ARL15: variants seen among roughly 807,000 people sequenced by gnomAD.
ARL15 encodes ADP-ribosylation factor-like protein 15.
ARL15 carries 19 observed loss-of-function variants against 25.2 expected under a neutral mutation model. The observed-to-expected ratio is 0.75, with a 90% confidence interval of 0.53 to 1.10. The LOEUF (loss-of-function observed/expected upper bound fraction) is 1.10. ARL15 is among the 50% of genes least tolerant of loss of function. The pLI is 0.00. For missense variants in ARL15, 220 were observed against 246.0 expected, an observed-to-expected ratio of 0.89 and a Z score of 0.71; for synonymous variants, 94 against 86.8, an observed-to-expected ratio of 1.08 and a Z score of -0.46.
intron 1 of ARL15, among the ~76,000 whole-genome samples, chr5:54,176,965 C>A (rs1754892791): frequency 6.6e-6 from 1 of 152,134 alleles, no homozygotes; most frequent in Admixed American, 6.6e-5. Context: ...CCATTCTATC[C>A]CAGTTCAGCC....
chr5:54,062,812 T>C (rs1751109473), intron 4 of ARL15, among the ~76,000 whole-genome samples: 1 of 151,846 alleles, frequency 6.6e-6, no homozygotes, highest in Non-Finnish European at 1.5e-5. Context: ...AGCCCAGGAA[T>C]GAAAAAATGG....
At chr5:53,966,575 C>G (rs1213315147) in intron 4 of ARL15, among the ~76,000 whole-genome samples, 1 of 152,126 alleles carries the variant, frequency 6.6e-6, no homozygotes, top group Admixed American at 6.5e-5. Context: ...TGAACCCCAG[C>G]ATGTGGGATC....
chr5:53,946,906 C>A (rs1295939372), intron 4 of ARL15, among the ~76,000 whole-genome samples: 1 of 152,136 alleles, frequency 6.6e-6, no homozygotes, highest in Non-Finnish European at 1.5e-5. Flanking sequence ...GAGTCATAAT[C>A]AAGCAAAGCT....
intron 1 of ARL15, among the ~76,000 whole-genome samples, chr5:54,272,977 A>G (rs554350369): frequency 6.6e-6 from 1 of 152,306 alleles, no homozygotes; most frequent in East Asian, 1.9e-4. Context: ...TCTGCCTTCA[A>G]AAGTGCAACA....
intron 4 of ARL15, among the ~76,000 whole-genome samples, chr5:53,956,882 G>A (rs1018841377): frequency 6.6e-6 from 1 of 151,920 alleles, no homozygotes; most frequent in African/African-American, 2.4e-5. Flanking sequence ...CATGAAGATA[G>A]GTCCACTGCA....
At chr5:54,124,119 C>T (rs1322838096) in intron 3 of ARL15, among the ~76,000 whole-genome samples, 2 of 152,126 alleles carry the variant, frequency 1.3e-5, no homozygotes, top group Non-Finnish European at 2.9e-5. Context: ...CTATATTTGC[C>T]TGAGGACAGA....
chr5:53,994,597 T>A (rs1178347497), intron 4 of ARL15, among the ~76,000 whole-genome samples: 1 of 152,222 alleles, frequency 6.6e-6, no homozygotes, highest in Non-Finnish European at 1.5e-5. Flanking sequence ...ACATTTAACA[T>A]GAGGAAAATG....
At chr5:54,245,321 A>C (rs1579946776) in intron 1 of ARL15, among the ~76,000 whole-genome samples, 1 of 152,346 alleles carries the variant, frequency 6.6e-6, no homozygotes, top group East Asian at 1.9e-4. Flanking sequence ...GCCTTATTCA[A>C]CTGGGCAGAA....
intron 3 of ARL15, among the ~76,000 whole-genome samples, chr5:54,116,096 T>C (rs1752891100): frequency 6.6e-6 from 1 of 152,220 alleles, no homozygotes; most frequent in African/African-American, 2.4e-5. Flanking sequence ...AGAAGTTGTC[T>C]AGTCCAAAGG....
At chr5:54,205,490 G>A (rs545339195) in intron 1 of ARL15, among the ~76,000 whole-genome samples, 155 of 152,220 alleles carry the variant, frequency 1.0e-3, no homozygotes, top group African/African-American at 3.0e-3. Context: ...AAATAACAAC[G>A]TCCCAGAATC....
intron 4 of ARL15, among the ~76,000 whole-genome samples, chr5:53,963,094 C>T (rs1382583184): frequency 6.6e-6 from 1 of 152,092 alleles, no homozygotes; most frequent in Non-Finnish European, 1.5e-5. Flanking sequence ...AAAAGAATGT[C>T]TCCTAGGATA....
At chr5:53,997,895 T>G (rs1208115247) in intron 4 of ARL15, among the ~76,000 whole-genome samples, 1 of 152,136 alleles carries the variant, frequency 6.6e-6, no homozygotes, top group Admixed American at 6.5e-5. Flanking sequence ...TGATGTAAAC[T>G]TTGCAAAAAT....
intron 4 of ARL15, among the ~76,000 whole-genome samples, chr5:54,068,426 C>T (rs1751314697): frequency 6.6e-6 from 1 of 152,146 alleles, no homozygotes; most frequent in Admixed American, 6.5e-5. Context: ...GGAAAATCGA[C>T]CACAACCATT....
At chr5:54,050,467 A>T (rs1336547210) in intron 4 of ARL15, among the ~76,000 whole-genome samples, 1 of 152,158 alleles carries the variant, frequency 6.6e-6, no homozygotes, top group South Asian at 2.1e-4. Context: ...TTTGGTGGCT[A>T]GTGAGTATAG....
At chr5:54,162,024 C>CACACACACACACACACACACAG (rs148833900) in intron 2 of ARL15, among the ~76,000 whole-genome samples, 1 of 145,338 alleles carries the variant, frequency 6.9e-6, no homozygotes, top group African/African-American at 2.7e-5. Context: ...CACACACACA[C>CACACACACACACACACACACAG]AGAGAGAGAT....
chr5:53,902,720 A>C (rs1303490473), intron 4 of ARL15, among the ~76,000 whole-genome samples: 1 of 152,194 alleles, frequency 6.6e-6, no homozygotes, highest in Admixed American at 6.5e-5. Flanking sequence ...TCAGTCACCA[A>C]TGGAGGGTGC....
At chr5:54,174,387 C>T (rs1183498434) in intron 1 of ARL15, among the ~76,000 whole-genome samples, 1 of 152,138 alleles carries the variant, frequency 6.6e-6, no homozygotes, top group East Asian at 1.9e-4. Flanking sequence ...TTTTGGTGTA[C>T]AGGATCAACT....
intron 1 of ARL15, among the ~76,000 whole-genome samples, chr5:54,198,833 C>T (rs558484759): frequency 2.6e-4 from 39 of 151,900 alleles, no homozygotes; most frequent in South Asian, 1.0e-3. Flanking sequence ...GAGCCCGCAT[C>T]GCCAAGTCAA....
intron 4 of ARL15, among the ~76,000 whole-genome samples, chr5:54,056,802 T>A (rs1165161460): frequency 6.6e-6 from 1 of 152,148 alleles, no homozygotes. Context: ...CTCTGTCTTT[T>A]ACTAACTGCT....
Sources: allele counts gnomAD v4.1 joint callset (sites outside exome capture counted in the v4.1 genomes callset), GRCh38; gene constraint gnomAD v4.1.1; transcripts MANE v1.5; gene names NCBI Gene and HGNC (gene_info 2026-07-23, HGNC 2026-07-21).